PAPOLA: variants seen among roughly 807,000 people sequenced by gnomAD.
PAPOLA encodes the protein poly(A) polymerase alpha.
In PAPOLA, 15 loss-of-function variants were observed where a neutral mutation model predicts 100.6. The ratio of observed to expected loss-of-function variants is 0.15; its 90% confidence interval spans 0.10 to 0.23. The LOEUF is 0.23. Among genes scored for constraint, PAPOLA ranks in the 10% least tolerant of loss-of-function variants. The probability of loss-of-function intolerance (pLI) is 1.00; values close to 1 mark genes in which losing one functional copy is unlikely to be tolerated. For synonymous variants in PAPOLA, 293 were observed against 300.0 expected (o/e 0.98, Z 0.24); for missense variants, 533 against 884.2 (o/e 0.60, Z 5.04).
Position 96,557,736 on chromosome 14 carries a change from C to CT in PAPOLA, c.2004+1328dup, listed in dbSNP as rs1439269892. 4.0e-5 allele frequency among the ~76,000 whole-genome samples: 6 copies of CT among 148,554 alleles called. No individual in the cohort carries two copies. In the East Asian group the frequency reaches 1.2e-3, roughly 29 times the overall value. ...TATTATTTAGCTTATTCTCTGAAGA[C>CT]TTTTTCTTTCTTTTTTTTTTTTTTG... On this transcript the variant is annotated intron_variant, in intron 19 of 21. Coordinates refer to ENST00000216277, the MANE Select transcript of PAPOLA (RefSeq NM_032632.5).
chr14:96,527,667 A>G (rs922437188), intron 5 of PAPOLA, 128 bp downstream of exon 5: 15 of 633,472 alleles, frequency 2.4e-5, no homozygotes, highest in Non-Finnish European at 2.8e-5. Flanking sequence ...AACACTTGGC[A>G]TATGTGTTTG....
At chr14:96,558,732 C>G (rs149541469) in intron 19 of PAPOLA, among the ~76,000 whole-genome samples, 1,946 of 152,116 alleles carry the variant, frequency 0.013, 24 homozygotes, top group Non-Finnish European at 0.018. Flanking sequence ...TACTTAAAAG[C>G]AAAATCCAAA....
At chr14:96,536,916 A>G in intron 11 of PAPOLA, 60 bp from the exon 12 acceptor site, 7 of 944,540 alleles carry the variant, frequency 7.4e-6, no homozygotes, top group Non-Finnish European at 6.9e-6. Context: ...GATTAAGATT[A>G]TTTAAAATTC....
rs1899036420 is a variant in PAPOLA, at chr14:96,531,724, A to G, written c.607+138A>G. ...AGTTAAATAAAATGAACTTTGCCTAATAAACTACAGAAGAGTATGTAGTAG... is the reference window on the plus strand; with the variant it reads ...AGTTAAATAAAATGAACTTTGCCTAGTAAACTACAGAAGAGTATGTAGTAG... On this transcript the variant is annotated intron_variant, in intron 7 of 21. Coordinates refer to ENST00000216277, the MANE Select transcript of PAPOLA (RefSeq NM_032632.5). 3 of 1,504,854 alleles carry G rather than the reference A, an allele frequency of 2.0e-6. No homozygotes were observed. In the South Asian group the frequency reaches 3.8e-5, roughly 19 times the overall value. 93.2% of individuals were successfully genotyped at this position (1,504,854 alleles called of 1,614,324 possible).
At position 96,562,664 on chromosome 14, in the gene PAPOLA, T is replaced by A; in HGVS notation, c.2068-155T>A. The A allele has an allele frequency of 5.9e-6, 3 of 512,764 alleles. No individual in the cohort carries two copies. In the South Asian group the frequency reaches 8.7e-5, roughly 15 times the overall value. The allele number at this position is 512,764 out of a possible 1,614,324, so 31.8% of individuals were successfully genotyped here. A position where few individuals can be genotyped will look rare whatever the true frequency, so the allele number is the denominator to read the frequency against. On this transcript the variant is annotated intron_variant, in intron 20 of 21. Transcript: ENST00000216277. Reference sequence around the variant, plus strand: ...TGAAATGGTGAAATAACCTACAACATCTACTGACTAGATGTTTTTGTAATG... The same window carrying A: ...TGAAATGGTGAAATAACCTACAACAACTACTGACTAGATGTTTTTGTAATG...
chr14:96,560,037 T>G (rs1166340927), intron 19 of PAPOLA, among the ~76,000 whole-genome samples: 1 of 152,188 alleles, frequency 6.6e-6, no homozygotes, highest in Admixed American at 6.5e-5. Flanking sequence ...TCTTCTAAGC[T>G]ATAAGCCTGT....
chr14:96,527,708 A>G (rs1310684270), intron 5 of PAPOLA, 169 bp downstream of exon 5: 4 of 612,312 alleles, frequency 6.5e-6, no homozygotes, highest in South Asian at 5.9e-5. Flanking sequence ...GCCTAAAATT[A>G]TAAACTCATT....
intron 1 of PAPOLA, among the ~76,000 whole-genome samples, chr14:96,506,710 G>GT (rs1386461909): frequency 6.6e-6 from 1 of 152,120 alleles, no homozygotes; most frequent in South Asian, 2.1e-4. Context: ...AAAAAAGAAT[G>GT]TTTTTTAATA....
chr14:96,512,584 A>C (rs1268050295), intron 1 of PAPOLA, among the ~76,000 whole-genome samples: 1 of 152,202 alleles, frequency 6.6e-6, no homozygotes, highest in African/African-American at 2.4e-5. Context: ...GCTTGACTTA[A>C]TACGTGGGTT....
chr14:96,541,991 T>C (rs1900032732), intron 12 of PAPOLA: 3 of 275,436 alleles, frequency 1.1e-5, no homozygotes, highest in Non-Finnish European at 2.0e-5. Context: ...AATGCTTATT[T>C]ATGCTTCTTG....
intron 11 of PAPOLA, among the ~76,000 whole-genome samples, chr14:96,536,613 G>A (rs1228744054): frequency 6.6e-6 from 1 of 152,012 alleles, no homozygotes; most frequent in African/African-American, 2.4e-5. Flanking sequence ...ATCAAGGGAA[G>A]ATGCCTCTAT....
At chr14:96,529,861 T>C (rs1371927795) in intron 6 of PAPOLA, among the ~76,000 whole-genome samples, 2 of 152,254 alleles carry the variant, frequency 1.3e-5, no homozygotes, top group East Asian at 1.9e-4. Flanking sequence ...CTCTCACCTT[T>C]CCTTTAGAAA....
chr14:96,563,148 T>G (rs1902005456), intron 21 of PAPOLA, among the ~76,000 whole-genome samples: 1 of 152,204 alleles, frequency 6.6e-6, no homozygotes, highest in African/African-American at 2.4e-5. Flanking sequence ...ATCATTTAAA[T>G]TCTCACTAGT....
At chr14:96,549,280 A>T (rs1454999758) in intron 16 of PAPOLA, among the ~76,000 whole-genome samples, 3 of 147,284 alleles carry the variant, frequency 2.0e-5, no homozygotes, top group African/African-American at 5.0e-5. Context: ...ACGGAGTCTC[A>T]CTCTGTTGCC....
At chr14:96,560,859 T>C (rs779915192) in intron 20 of PAPOLA, 148 bp downstream of exon 20, 45 of 561,424 alleles carry the variant, frequency 8.0e-5, no homozygotes, top group Non-Finnish European at 1.3e-4. Context: ...TGCTGAACAC[T>C]GAAGGGAATA....
chr14:96,502,604 A>G lies in PAPOLA; in HGVS notation c.8+4A>G. On this transcript the variant is annotated splice_donor_region_variant and intron_variant, in intron 1 of 21. Coordinates refer to ENST00000216277, the MANE Select transcript of PAPOLA (RefSeq NM_032632.5). Reference sequence around the variant, plus strand: ...CGGCGCCGGAGACGATGCCGTTGTAAGTAATTTGTATTCTGTTTTCTTTCG... The same window carrying G: ...CGGCGCCGGAGACGATGCCGTTGTAGGTAATTTGTATTCTGTTTTCTTTCG... 1 of 1,578,344 alleles carries G rather than the reference A, an allele frequency of 6.3e-7. No individual in the cohort carries two copies. Among genetic ancestry groups the G allele is most frequent in the Non-Finnish European group, 8.6e-7 (1 of 1,162,444 alleles).
At chr14:96,510,611 G>C (rs1407242567) in intron 1 of PAPOLA, among the ~76,000 whole-genome samples, 1 of 152,110 alleles carries the variant, frequency 6.6e-6, no homozygotes, top group African/African-American at 2.4e-5. Context: ...TTTCAGTTTG[G>C]CCTTGGGCTT....
At chr14:96,511,668 C>G (rs571740512) in intron 1 of PAPOLA, among the ~76,000 whole-genome samples, 6 of 152,298 alleles carry the variant, frequency 3.9e-5, no homozygotes, top group African/African-American at 1.4e-4. Flanking sequence ...AAAACAGAGA[C>G]TACCTTAAGC....
At chr14:96,534,850 T>A (rs1388615604) in intron 10 of PAPOLA, 1 of 1,124,536 alleles carries the variant, frequency 8.9e-7, no homozygotes, top group Non-Finnish European at 1.1e-6. Context: ...CAAAGTTGTG[T>A]GGGCATTTGT....
Sources: gnomAD v4.1 joint callset for allele counts (sites outside exome capture counted in the v4.1 genomes callset) on GRCh38, gnomAD v4.1.1 for gene constraint, MANE v1.5 for transcripts, NCBI Gene and HGNC (gene_info 2026-07-23, HGNC 2026-07-21) for gene names.